Variants in HAO1 observed in about 807,000 individuals in gnomAD.
The protein encoded by HAO1 is hydroxyacid oxidase 1, also known as 2-Hydroxyacid oxidase 1.
HAO1 carries 34 observed loss-of-function variants against 39.7 expected under a neutral mutation model. The observed-to-expected ratio is 0.86, with a 90% CI of 0.65 to 1.14. The LOEUF is 1.14. Ranked by LOEUF, HAO1 falls within the 50% of genes most tolerant of loss-of-function variation. The pLI, the probability that HAO1 is intolerant of heterozygous loss-of-function variation, is 0.00. For missense variants in HAO1, 479 were observed against 464.5 expected (o/e 1.03, Z -0.29); for synonymous variants, 172 against 173.2 (o/e 0.99, Z 0.05).
chr20:7,908,640 G>C (rs2050260678), intron 3 of HAO1, among the ~76,000 whole-genome samples: 1 of 152,112 alleles, frequency 6.6e-6, no homozygotes, highest in African/African-American at 2.4e-5. Flanking sequence ...TGAATAGTTA[G>C]TCCTATAGTT....
At chr20:7,901,356 A>G (rs1324652475) in intron 4 of HAO1, among the ~76,000 whole-genome samples, 3 of 152,160 alleles carry the variant, frequency 2.0e-5, no homozygotes, top group Non-Finnish European at 4.4e-5. Flanking sequence ...GCCATCTAGG[A>G]CTTTCATAGC....
chr20:7,938,867 C>A (rs1260798608), intron 1 of HAO1, among the ~76,000 whole-genome samples: 1 of 151,852 alleles, frequency 6.6e-6, no homozygotes, highest in African/African-American at 2.4e-5. Flanking sequence ...AGCTAGCATG[C>A]GACAAAGGGA....
intron 4 of HAO1, among the ~76,000 whole-genome samples, chr20:7,895,934 T>C (rs1183509223): frequency 1.3e-5 from 2 of 152,078 alleles, no homozygotes; most frequent in African/African-American, 4.8e-5. Flanking sequence ...GCCTCAGGCC[T>C]ATTGGCAGGT....
chr20:7,901,442 T>C (rs1326407235), intron 4 of HAO1, among the ~76,000 whole-genome samples: 3 of 152,074 alleles, frequency 2.0e-5, no homozygotes, highest in African/African-American at 4.8e-5. Flanking sequence ...CTGTGCTCTA[T>C]AAATAAAACA....
At position 7,934,645 on chromosome 20, in the gene HAO1, A is replaced by AAAAAT. The variant is rs1200924672; in HGVS notation, c.138-15_138-11dup. 4 of 1,549,984 alleles carry AAAAAT rather than the reference A, an allele frequency of 2.6e-6. No individual in the cohort carries two copies. Among genetic ancestry groups the AAAAAT allele is most frequent in the Non-Finnish European group, 2.6e-6 (3 of 1,146,682 alleles). On this transcript the variant is annotated splice_polypyrimidine_tract_variant and intron_variant, in intron 1 of 7. Coordinates refer to ENST00000378789, the MANE Select transcript of HAO1 (RefSeq NM_017545.3). Reference sequence around the variant, plus strand: ...TGGATACAGCTTCCATCTAGAATTAAAAAATAAAATAAAATAAAAGGCTTT... The same window carrying AAAAAT: ...TGGATACAGCTTCCATCTAGAATTAAAAAATAAAATAAAATAAAATAAAAGGCTTT...
At chr20:7,887,253 A>C (rs1053122653) in intron 5 of HAO1, among the ~76,000 whole-genome samples, 4 of 152,212 alleles carry the variant, frequency 2.6e-5, no homozygotes, top group African/African-American at 9.6e-5. Context: ...CAAAATGTAA[A>C]AATCTAAATT....
intron 2 of HAO1, among the ~76,000 whole-genome samples, chr20:7,924,906 G>A (rs1242327785): frequency 2.0e-5 from 3 of 152,102 alleles, no homozygotes; most frequent in Non-Finnish European, 4.4e-5. Flanking sequence ...ATCTGCACAG[G>A]AAGTCATTAC....
chr20:7,907,859 T>A (rs2050255924), intron 3 of HAO1, among the ~76,000 whole-genome samples: 1 of 152,190 alleles, frequency 6.6e-6, no homozygotes, highest in South Asian at 2.1e-4. Context: ...CTGTGACTTA[T>A]CTGCCCACAG....
rs3747926 is a variant in HAO1 at position 7,883,352 on chromosome 20, C to A, written c.*241G>T. 0.069 allele frequency: 35,992 copies of A among 525,406 alleles called. 4,117 individuals are homozygous for A. The highest frequency in any genetic ancestry group is 0.42 in the East Asian group (13,903 of 32,764). 32.5% of individuals were successfully genotyped at this position (525,406 alleles called of 1,614,324 possible). ...TGTCTAAACACATTTTCAATGTTTTCTTTTTAACAGTTAATATATTTCCAG... is the reference window on the plus strand; with the variant it reads ...TGTCTAAACACATTTTCAATGTTTTATTTTTAACAGTTAATATATTTCCAG... On this transcript the variant is annotated 3_prime_UTR_variant, in exon 8 of 8. Transcript: ENST00000378789.
chr20:7,923,180 C>T (rs527449219), intron 2 of HAO1, among the ~76,000 whole-genome samples: 18 of 152,262 alleles, frequency 1.2e-4, no homozygotes, highest in Admixed American at 1.1e-3. Flanking sequence ...AATGCAGCTA[C>T]CTCTGGGGAC....
chr20:7,918,631 C>G (rs986047177), intron 2 of HAO1, among the ~76,000 whole-genome samples: 4 of 152,138 alleles, frequency 2.6e-5, no homozygotes, highest in African/African-American at 9.7e-5. Context: ...GGGCATCCAC[C>G]CTGTTAGAGC....
At chr20:7,917,625 C>T (rs926579412) in intron 2 of HAO1, among the ~76,000 whole-genome samples, 1 of 152,110 alleles carries the variant, frequency 6.6e-6, no homozygotes, top group Non-Finnish European at 1.5e-5. Context: ...GAAGGTCCTC[C>T]GTACACTGGA....
intron 5 of HAO1, among the ~76,000 whole-genome samples, chr20:7,888,414 T>G (rs1429992027): frequency 1.3e-5 from 2 of 152,106 alleles, no homozygotes; most frequent in African/African-American, 2.4e-5. Context: ...TCCTATTGCA[T>G]CGGTTGTTAT....
At chr20:7,901,864 A>T (rs1224426968) in intron 4 of HAO1, among the ~76,000 whole-genome samples, 1 of 152,176 alleles carries the variant, frequency 6.6e-6, no homozygotes, top group African/African-American at 2.4e-5. Flanking sequence ...CATTAACAGG[A>T]ATTTGGAAGA....
chr20:7,888,965 G>A (rs751720247), intron 5 of HAO1, among the ~76,000 whole-genome samples: 8 of 152,110 alleles, frequency 5.3e-5, no homozygotes, highest in Non-Finnish European at 1.0e-4. Flanking sequence ...TCCTATGACA[G>A]CCTCCTAGTA....
chr20:7,903,833 G>T (rs2050234293), intron 4 of HAO1, among the ~76,000 whole-genome samples: 1 of 143,474 alleles, frequency 7.0e-6, no homozygotes, highest in Non-Finnish European at 1.5e-5. Flanking sequence ...GCTGGTGGTT[G>T]TCCTGGTAAT....
intron 2 of HAO1, among the ~76,000 whole-genome samples, chr20:7,930,239 G>GGGTGGA (rs1303358558): frequency 6.6e-6 from 1 of 151,518 alleles, no homozygotes; most frequent in African/African-American, 2.4e-5. Context: ...ATATTTAGGA[G>GGGTGGA]GGTAACAAAA....
chr20:7,907,639 C>T (rs1309192079), intron 3 of HAO1, among the ~76,000 whole-genome samples: 1 of 152,194 alleles, frequency 6.6e-6, no homozygotes, highest in Non-Finnish European at 1.5e-5. Context: ...TCCCGTATGA[C>T]TATTTTTGTT....
intron 4 of HAO1, among the ~76,000 whole-genome samples, chr20:7,901,011 C>A (rs1040653327): frequency 3.9e-5 from 6 of 152,136 alleles, no homozygotes; most frequent in African/African-American, 1.4e-4. Flanking sequence ...ATCAAACCAG[C>A]CACCATTCTC....
Sources: allele counts gnomAD v4.1 joint callset (sites outside exome capture counted in the v4.1 genomes callset), GRCh38; gene constraint gnomAD v4.1.1; transcripts MANE v1.5; gene names NCBI Gene and HGNC (gene_info 2026-07-23, HGNC 2026-07-21).